Variants in CCDC171 observed in about 807,000 individuals in gnomAD.
CCDC171 encodes coiled-coil domain-containing protein 171.
A neutral mutation model predicts 168.2 loss-of-function variants in CCDC171; 177 were observed. The ratio of observed to expected loss-of-function variants is 1.05; its 90% CI spans 0.93 to 1.19. The LOEUF (loss-of-function observed/expected upper bound fraction) is 1.19, where lower values mean the gene tolerates loss of function less well. CCDC171 is among the 50% of genes most tolerant of loss of function. CCDC171 has a pLI of 0.00. For missense variants in CCDC171, 1,991 were observed against 1,539.0 expected, an observed-to-expected ratio of 1.29 and a Z score of -4.91; for synonymous variants, 687 against 540.8, an observed-to-expected ratio of 1.27 and a Z score of -3.75.
At chr9:15,669,823 A>G (rs943153798) in intron 9 of CCDC171, among the ~76,000 whole-genome samples, 4 of 152,084 alleles carry the variant, frequency 2.6e-5, no homozygotes, top group Non-Finnish European at 5.9e-5. Flanking sequence ...ATATCACCCA[A>G]AAGGATAAAC....
chr9:15,757,787 G>A (rs2056216355), intron 18 of CCDC171, among the ~76,000 whole-genome samples: 1 of 152,180 alleles, frequency 6.6e-6, no homozygotes, highest in South Asian at 2.1e-4. Context: ...TGCTCCAGCT[G>A]TGGGGCTGAA....
At chr9:15,884,654 C>G (rs1220327386) in intron 24 of CCDC171, among the ~76,000 whole-genome samples, 1 of 152,096 alleles carries the variant, frequency 6.6e-6, no homozygotes. Flanking sequence ...AGTTCTGGCC[C>G]TGTAATTTAA....
At position 15,799,012 on chromosome 9, in the gene CCDC171, A is replaced by G. The variant is rs1391747834; in HGVS notation, c.3267+14318A>G. ...CTTTCATTCTCTTTGTGTTGTTGTC[A>G]TAGATTTCAATTTTACCTGTATTCT... On this transcript the variant is annotated intron_variant, in intron 21 of 25. Transcript: ENST00000380701. Among the ~76,000 whole-genome samples, 6 of 151,436 alleles carry G rather than the reference A, an allele frequency of 4.0e-5. No homozygotes were observed. The East Asian group carries it at 1.2e-3, about 29-fold the overall frequency.
chr9:15,722,372 GTT>G (rs926445737), intron 12 of CCDC171, among the ~76,000 whole-genome samples: 72 of 152,272 alleles, frequency 4.7e-4, no homozygotes, highest in Admixed American at 1.8e-3. Flanking sequence ...ACAAATATCT[GTT>G]TGATGTAGCC....
chr9:16,098,680 G>T, the CCDC171 span, among the ~76,000 whole-genome samples: 6 of 152,152 alleles, frequency 3.9e-5, no homozygotes, highest in African/African-American at 1.2e-4. Context: ...CTACTAGTTG[G>T]GTTTTTGCCA....
At chr9:16,047,029 A>T (rs1408303145) in intron 1 of CCDC171, among the ~76,000 whole-genome samples, 2 of 152,094 alleles carry the variant, frequency 1.3e-5, no homozygotes, top group Non-Finnish European at 2.9e-5. Flanking sequence ...CATGGACTCT[A>T]AGGACTGCAT....
chr9:15,652,114 C>G (rs893313921), intron 7 of CCDC171, among the ~76,000 whole-genome samples: 3 of 151,952 alleles, frequency 2.0e-5, no homozygotes, highest in Admixed American at 6.6e-5. Flanking sequence ...ACTATGTTGC[C>G]CAGACTATAA....
At chr9:15,753,859 A>G (rs2055920219) in intron 18 of CCDC171, among the ~76,000 whole-genome samples, 1 of 152,208 alleles carries the variant, frequency 6.6e-6, no homozygotes, top group African/African-American at 2.4e-5. Context: ...TGGAAGGAAT[A>G]TGGTCCATAC....
chr9:15,780,762 C>G (rs1588456691), intron 20 of CCDC171, among the ~76,000 whole-genome samples: 1 of 152,062 alleles, frequency 6.6e-6, no homozygotes, highest in Non-Finnish European at 1.5e-5. Context: ...AATCATTTTC[C>G]TCTGTCATTT....
Position 15,657,113 on chromosome 9 carries a change from T to C in CCDC171, c.823-14T>C. On this transcript the variant is annotated splice_polypyrimidine_tract_variant and intron_variant, in intron 7 of 25. Transcript: ENST00000380701. ...ACCAATGTTTATGAATTTAAACTTT[T>C]AATTTGTTTTCAGGCAACTACTCTA... The C allele has an allele frequency of 6.7e-7, 1 of 1,496,866 alleles. No homozygotes were observed. Among genetic ancestry groups the C allele is most frequent in the Non-Finnish European group, 9.2e-7 (1 of 1,090,104 alleles). 92.7% of individuals were successfully genotyped at this position (1,496,866 alleles called of 1,614,324 possible).
rs182299922 is a variant in CCDC171 at position 15,624,504 on chromosome 9, A to T, written c.822+1091A>T. ...CAGGCCCCGGTGTGTGATGTTCCCCATCCTGTGTCCAAGTGTTCTCATTGT... is the reference window on the plus strand; with the variant it reads ...CAGGCCCCGGTGTGTGATGTTCCCCTTCCTGTGTCCAAGTGTTCTCATTGT... On this transcript the variant is annotated intron_variant, in intron 7 of 25. Transcript: ENST00000380701. Among the ~76,000 whole-genome samples, 12 of 151,612 alleles carry T rather than the reference A, an allele frequency of 7.9e-5. No homozygotes were observed. In the East Asian group the frequency reaches 2.3e-3, roughly 29 times the overall value.
intron 11 of CCDC171, among the ~76,000 whole-genome samples, chr9:15,712,538 T>C (rs575558354): frequency 3.9e-5 from 6 of 152,336 alleles, no homozygotes; most frequent in African/African-American, 1.4e-4. Flanking sequence ...GAATACATGA[T>C]GGTGAATTAA....
intron 25 of CCDC171, among the ~76,000 whole-genome samples, chr9:15,930,964 G>C (rs1238169165): frequency 6.6e-6 from 1 of 151,506 alleles, no homozygotes; most frequent in Non-Finnish European, 1.5e-5. Flanking sequence ...TTTGTGGTGA[G>C]AACATTCAAA....
intron 7 of CCDC171, among the ~76,000 whole-genome samples, chr9:15,630,685 A>G (rs577232744): frequency 2.5e-4 from 38 of 152,340 alleles, no homozygotes; most frequent in African/African-American, 8.4e-4. Flanking sequence ...CCTAATAGAC[A>G]TCTACAGAAC....
chr9:15,657,438 T>C (rs1293909872), intron 8 of CCDC171, among the ~76,000 whole-genome samples: 1 of 152,154 alleles, frequency 6.6e-6, no homozygotes, highest in East Asian at 1.9e-4. Context: ...TCTCACCCAC[T>C]GTCTGTTCTT....
intron 21 of CCDC171, among the ~76,000 whole-genome samples, chr9:15,839,815 A>T (rs9406543): frequency 1.3e-5 from 2 of 152,158 alleles, no homozygotes; most frequent in Admixed American, 6.5e-5. Context: ...CCCCATGGAC[A>T]TACTTCTAAA....
At chr9:15,622,063 A>C (rs577351381) in intron 6 of CCDC171, among the ~76,000 whole-genome samples, 1 of 152,204 alleles carries the variant, frequency 6.6e-6, no homozygotes, top group Non-Finnish European at 1.5e-5. Context: ...TCTCACTTCC[A>C]AGTGGGAACT....
At chr9:15,562,589 C>T (rs1033460359) in intron 1 of CCDC171, among the ~76,000 whole-genome samples, 1 of 152,114 alleles carries the variant, frequency 6.6e-6, no homozygotes, top group African/African-American at 2.4e-5. Context: ...CTCTACTTGC[C>T]ACACTTCTCT....
chr9:15,834,963 A>G (rs1433666440), intron 21 of CCDC171, among the ~76,000 whole-genome samples: 3 of 152,228 alleles, frequency 2.0e-5, no homozygotes, highest in South Asian at 4.1e-4. Context: ...TTTCTGATCT[A>G]TGTCCTGTGA....
Sources: gnomAD v4.1 joint callset for allele counts (sites outside exome capture counted in the v4.1 genomes callset) on GRCh38, gnomAD v4.1.1 for gene constraint, MANE v1.5 for transcripts, NCBI Gene and HGNC (gene_info 2026-07-23, HGNC 2026-07-21) for gene names.